Variants in NCAM1 observed in about 807,000 individuals in gnomAD.
NCAM1 encodes antigen recognized by monoclonal antibody 5.1H11.
A neutral mutation model predicts 109.8 loss-of-function variants in NCAM1; 14 were observed. The ratio of observed to expected loss-of-function variants is 0.13; its 90% confidence interval spans 0.08 to 0.20. The LOEUF (loss-of-function observed/expected upper bound fraction) is 0.20. Among genes scored for constraint, NCAM1 ranks in the 10% least tolerant of loss-of-function variants. The pLI is 1.00. For synonymous variants in NCAM1, 418 were observed against 442.9 expected, an observed-to-expected ratio of 0.94 and a Z score of 0.70; for missense variants, 774 against 1,109.9, an observed-to-expected ratio of 0.70 and a Z score of 4.30.
chr11:113,113,767 TAA>T (rs71060287), intron 1 of NCAM1, among the ~76,000 whole-genome samples: 39 of 150,518 alleles, frequency 2.6e-4, no homozygotes, highest in Admixed American at 1.8e-3. Context: ...CAGGTTCTTT[TAA>T]AAAAAAAAAA....
At chr11:113,033,594 A>T (rs1952782110) in intron 1 of NCAM1, among the ~76,000 whole-genome samples, 1 of 152,244 alleles carries the variant, frequency 6.6e-6, no homozygotes, top group Admixed American at 6.5e-5. Context: ...GATTTAAAAA[A>T]ATCATGTGAA....
intron 1 of NCAM1, among the ~76,000 whole-genome samples, chr11:113,164,116 C>T (rs190297348): frequency 2.6e-4 from 40 of 152,248 alleles, no homozygotes; most frequent in African/African-American, 5.8e-4. Context: ...CTGCATTTAG[C>T]GCTGTACTCT....
At chr11:112,970,429 T>A (rs1950847455) in intron 1 of NCAM1, among the ~76,000 whole-genome samples, 1 of 152,122 alleles carries the variant, frequency 6.6e-6, no homozygotes, top group South Asian at 2.1e-4. Context: ...ATCAACTAGA[T>A]GATACTAGGA....
At chr11:113,082,468 C>T (rs782664307) in intron 1 of NCAM1, among the ~76,000 whole-genome samples, 1 of 152,128 alleles carries the variant, frequency 6.6e-6, no homozygotes, top group Non-Finnish European at 1.5e-5. Context: ...CCATAGATAC[C>T]AAAATCTAAT....
chr11:113,087,137 G>A (rs1168416123), intron 1 of NCAM1, among the ~76,000 whole-genome samples: 3 of 152,242 alleles, frequency 2.0e-5, no homozygotes, highest in Admixed American at 6.5e-5. Flanking sequence ...TTATTCTTTC[G>A]TGAGGTGGTC....
intron 1 of NCAM1, among the ~76,000 whole-genome samples, chr11:113,195,291 A>G (rs1483867954): frequency 6.6e-6 from 1 of 152,090 alleles, no homozygotes; most frequent in Non-Finnish European, 1.5e-5. Flanking sequence ...ATCCCTAATA[A>G]TGTATTGGTT....
chr11:113,151,283 A>G (rs1942215258), intron 1 of NCAM1, among the ~76,000 whole-genome samples: 1 of 152,228 alleles, frequency 6.6e-6, no homozygotes, highest in Non-Finnish European at 1.5e-5. Context: ...CTCTTGCAAA[A>G]GAGAGAATGA....
intron 8 of NCAM1, among the ~76,000 whole-genome samples, chr11:113,218,844 A>G (rs782656680): frequency 6.6e-5 from 10 of 152,186 alleles, no homozygotes; most frequent in Non-Finnish European, 1.2e-4. Flanking sequence ...GACCATCATA[A>G]TGGGTCAATT....
At chr11:113,262,621 A>C (rs2137678569) in intron 17 of NCAM1, among the ~76,000 whole-genome samples, 1 of 152,298 alleles carries the variant, frequency 6.6e-6, no homozygotes, top group South Asian at 2.1e-4. Context: ...TACTAAGTTG[A>C]ATTAACCTTT....
At position 113,010,336 on chromosome 11, in the gene NCAM1, A is replaced by G. The variant is rs144163396; in HGVS notation, c.52+48672A>G. On this transcript the variant is annotated intron_variant, in intron 1 of 19. Transcript: ENST00000316851. ...AAATGTATTTCCTCAGAAATATTCTATAAATCAGACTTCTCTATTTTAGTC... is the reference window on the plus strand; with the variant it reads ...AAATGTATTTCCTCAGAAATATTCTGTAAATCAGACTTCTCTATTTTAGTC... Among the ~76,000 whole-genome samples the G allele has an allele frequency of 3.6e-3, 545 of 152,366 alleles. 5 individuals are homozygous for G. Among genetic ancestry groups the G allele is most frequent in the African/African-American group, 0.011 (459 of 41,596 alleles).
At chr11:113,018,321 T>C (rs1330646719) in intron 1 of NCAM1, among the ~76,000 whole-genome samples, 1 of 152,172 alleles carries the variant, frequency 6.6e-6, no homozygotes, top group East Asian at 1.9e-4. Flanking sequence ...TAAAACCTTT[T>C]TTTTTTTGCC....
intron 1 of NCAM1, among the ~76,000 whole-genome samples, chr11:113,188,834 AGT>A (rs144748025): frequency 7.7e-4 from 116 of 150,562 alleles, no homozygotes; most frequent in Admixed American, 2.8e-3. Flanking sequence ...TGTGAGTGTG[AGT>A]GTGTGTGTGT....
At chr11:113,142,718 A>G (rs549612587) in intron 1 of NCAM1, among the ~76,000 whole-genome samples, 1 of 152,210 alleles carries the variant, frequency 6.6e-6, no homozygotes, top group South Asian at 2.1e-4. Flanking sequence ...TTTCTCTGCC[A>G]TCTGCTGCTG....
At chr11:113,223,369 C>A (rs1944740348) in intron 9 of NCAM1, among the ~76,000 whole-genome samples, 1 of 152,072 alleles carries the variant, frequency 6.6e-6, no homozygotes. Context: ...AATAAGAATT[C>A]TCTTTAGAAG....
In NCAM1 at chr11:113,231,376, C is replaced by A. The variant is rs1555117169; in HGVS notation, c.1090-269C>A. ...CATCTTGGGGGACCTAGCCCCAAAC[C>A]AATCTTGGTACTTAGATCAGGCTGC... On this transcript the variant is annotated intron_variant, in intron 9 of 19. Coordinates refer to ENST00000316851, the MANE Select transcript of NCAM1 (RefSeq NM_181351.5). The A allele has an allele frequency of 3.8e-6, 5 of 1,326,568 alleles. No individual in the cohort carries two copies. In the African/African-American group the frequency reaches 4.4e-5, roughly 12 times the overall value. The allele number at this position is 1,326,568 out of a possible 1,614,324, so 82.2% of individuals were successfully genotyped here.
At chr11:113,176,743 G>T (rs562127315) in intron 1 of NCAM1, among the ~76,000 whole-genome samples, 53 of 151,258 alleles carry the variant, frequency 3.5e-4, no homozygotes, top group East Asian at 5.8e-4. Context: ...AATTTATGTG[G>T]TTTTTTTTTC....
chr11:113,205,779 C>T (rs1944218206), intron 4 of NCAM1, 113 bp downstream of exon 4: 11 of 1,408,106 alleles, frequency 7.8e-6, no homozygotes, highest in Non-Finnish European at 1.1e-5. Context: ...GTGCCCGAAC[C>T]CTCATGTGGT....
intron 14 of NCAM1, among the ~76,000 whole-genome samples, chr11:113,238,960 C>T (rs559689853): frequency 1.3e-5 from 2 of 152,318 alleles, no homozygotes; most frequent in South Asian, 4.1e-4. Context: ...ACTGACTCAT[C>T]GCTTGAAGTT....
intron 1 of NCAM1, among the ~76,000 whole-genome samples, chr11:113,096,619 G>A (rs868966399): frequency 3.3e-5 from 5 of 152,050 alleles, no homozygotes; most frequent in African/African-American, 1.2e-4. Context: ...GTGGCTATTG[G>A]ACAAGATCAG....
Sources: gnomAD v4.1 joint callset for allele counts (sites outside exome capture counted in the v4.1 genomes callset) on GRCh38, gnomAD v4.1.1 for gene constraint, MANE v1.5 for transcripts, NCBI Gene and HGNC (gene_info 2026-07-23, HGNC 2026-07-21) for gene names.